The following ZNF529 variants were observed in gnomAD, a reference collection of about 807,000 sequenced individuals.
ZNF529 encodes zinc finger protein 529.
In ZNF529, 11 loss-of-function variants were observed where a neutral mutation model predicts 10.1. The ratio of observed to expected loss-of-function variants is 1.09; its 90% CI spans 0.69 to 1.81. ZNF529 has a LOEUF of 1.81. ZNF529 is among the 40% of genes most tolerant of loss of function. The pLI is 0.00. For synonymous variants in ZNF529, 204 were observed against 215.7 expected (o/e 0.95, Z 0.47); for missense variants, 624 against 666.8 (o/e 0.94, Z 0.71).
chr19:36,591,509 G>A (rs2145274132), intron 1 of ZNF529, among the ~76,000 whole-genome samples: 2 of 150,530 alleles, frequency 1.3e-5, no homozygotes, highest in South Asian at 2.1e-4. Flanking sequence ...CACAAGGTCA[G>A]GAGATCGAGA....
Position 36,547,606 on chromosome 19 carries a change from C to A in ZNF529, c.952G>T (p.Asp318Tyr). The A allele has an allele frequency of 6.2e-7, 1 of 1,613,700 alleles. No individual in the cohort carries two copies. Among genetic ancestry groups the A allele is most frequent in the Non-Finnish European group, 8.5e-7 (1 of 1,179,736 alleles). The change falls in exon 5 of 5, where the codon GAC (aspartate) becomes TAC (tyrosine). Residue 318 changes from aspartate to tyrosine, a missense_variant. Transcript: ENST00000591340. ...KTYKCMECGK[D>Y]FRFHSQLTEH... ...GTAAGCTGTGAATGAAATCTGAAGT[C>A]CTTGCCACATTCCATACATTTGTAA...
upstream of ZNF529, chr19:36,574,702 A>C (rs1373816128): frequency 2.4e-6 from 1 of 415,592 alleles, no homozygotes; most frequent in African/African-American, 2.1e-5. Context: ...GTTTACCCTA[A>C]TGTGTGTGAG....
At chr19:36,553,858 T>G (rs1396760618) in intron 4 of ZNF529, among the ~76,000 whole-genome samples, 14 of 152,204 alleles carry the variant, frequency 9.2e-5, no homozygotes, top group Admixed American at 6.5e-4. Context: ...TACACATAAC[T>G]ACTTAACACA....
intron 2 of ZNF529, among the ~76,000 whole-genome samples, chr19:36,565,903 C>G (rs1389193670): frequency 6.6e-6 from 1 of 152,014 alleles, no homozygotes; most frequent in East Asian, 1.9e-4. Flanking sequence ...TGAAGAGGAG[C>G]AGAACTGTAT....
At chr19:36,577,517 G>A (rs2036355591), upstream of ZNF529, 1 of 154,660 alleles carries the variant, frequency 6.5e-6, no homozygotes, top group East Asian at 1.9e-4. Context: ...TTGAGACAGA[G>A]TCACCCAGGC....
intron 1 of ZNF529, among the ~76,000 whole-genome samples, chr19:36,602,450 T>A (rs997094281): frequency 1.3e-5 from 2 of 152,184 alleles, no homozygotes; most frequent in African/African-American, 2.4e-5. Context: ...CTCCTTTTTT[T>A]TTTTTTCGTG....
intron 2 of ZNF529, among the ~76,000 whole-genome samples, chr19:36,560,705 AT>A (rs1249296705): frequency 1.3e-5 from 2 of 152,216 alleles, no homozygotes; most frequent in Non-Finnish European, 2.9e-5. Flanking sequence ...ATGAAAGGAA[AT>A]AAGAGTTATA....
At chr19:36,602,499 A>G (rs1271533521) in intron 1 of ZNF529, among the ~76,000 whole-genome samples, 9 of 151,904 alleles carry the variant, frequency 5.9e-5, no homozygotes, top group African/African-American at 2.2e-4. Context: ...ATCAGTTCAC[A>G]AGCCATACAA....
intron 2 of ZNF529, among the ~76,000 whole-genome samples, chr19:36,563,800 A>C (rs907141137): frequency 1.3e-5 from 2 of 152,230 alleles, no homozygotes; most frequent in African/African-American, 2.4e-5. Flanking sequence ...GGAACCAAAA[A>C]AGGGTCTGAA....
chr19:36,577,345 C>T, upstream of ZNF529: 1 of 324,160 alleles, frequency 3.1e-6, no homozygotes, highest in East Asian at 1.0e-4. Context: ...TTACATTGTT[C>T]TCCCTTCACC....
rs1568574264 is a variant in ZNF529 at position 36,548,325 on chromosome 19, G to A, written c.236-3C>T. 10 of 1,495,586 alleles carry A rather than the reference G, an allele frequency of 6.7e-6. No individual in the cohort carries two copies. Among genetic ancestry groups the A allele is most frequent in the Admixed American group, 2.6e-5 (1 of 38,122 alleles). The allele number at this position is 1,495,586 out of a possible 1,614,324, so 92.6% of individuals were successfully genotyped here. On this transcript the variant is annotated splice_polypyrimidine_tract_variant and splice_region_variant and intron_variant, in intron 4 of 4. Coordinates refer to ENST00000591340, the MANE Select transcript of ZNF529 (RefSeq NM_020951.5). ...AGTCTCATTCCTGGACTCCAAATCT[G>A]AAAGAAAGGAAAAAATAATTTTCAT... is the stretch of plus-strand genomic sequence containing the variant.
At chr19:36,569,344 A>G (rs1330050743) in intron 2 of ZNF529, among the ~76,000 whole-genome samples, 2 of 152,248 alleles carry the variant, frequency 1.3e-5, no homozygotes, top group Non-Finnish European at 2.9e-5. Context: ...AGTAACTAGA[A>G]AAAGGCTTTG....
At position 36,544,169 on chromosome 19, in the gene ZNF529, T is replaced by C. The variant is rs954860830; in HGVS notation, c.*2697A>G. ...GAAGTTTTATGTTTTTGAGTAAAAA[T>C]AGTAAAAACCAAACAGTAATACCAC... On this transcript the variant is annotated 3_prime_UTR_variant, in exon 5 of 5. Coordinates refer to ENST00000591340, the MANE Select transcript of ZNF529 (RefSeq NM_020951.5). The C allele has an allele frequency of 8.6e-5, 13 of 152,018 alleles. No individual in the cohort carries two copies. The highest frequency in any genetic ancestry group is 3.2e-3 in the Middle Eastern group (1 of 316). The allele number at this position is 152,018 out of a possible 1,614,324, so 9.4% of individuals were successfully genotyped here.
intron 1 of ZNF529, among the ~76,000 whole-genome samples, chr19:36,592,284 C>CAAAAAAA (rs35717465): frequency 2.2e-4 from 11 of 49,838 alleles, no homozygotes; most frequent in Non-Finnish European, 2.8e-4. Context: ...GACTTTGTCT[C>CAAAAAAA]AAAAAAAAAA....
chr19:36,566,970 C>T (rs969640728), intron 2 of ZNF529, among the ~76,000 whole-genome samples: 1 of 151,196 alleles, frequency 6.6e-6, no homozygotes, highest in African/African-American at 2.4e-5. Flanking sequence ...GAGCCGAGAT[C>T]GCGCCACTGC....
chr19:36,590,714 A>C (rs919166581), intron 1 of ZNF529, among the ~76,000 whole-genome samples: 2 of 152,008 alleles, frequency 1.3e-5, no homozygotes, highest in African/African-American at 4.8e-5. Flanking sequence ...CAGATCACCT[A>C]AAGTCAGGAG....
At chr19:36,551,951 T>G (rs1303782452) in intron 4 of ZNF529, 1 of 152,218 alleles carries the variant, frequency 6.6e-6, no homozygotes, top group Non-Finnish European at 1.5e-5. Flanking sequence ...TGGTCACCAT[T>G]GTACCGATAT....
intron 2 of ZNF529, among the ~76,000 whole-genome samples, chr19:36,565,430 C>T (rs370214424): frequency 6.6e-6 from 1 of 152,090 alleles, no homozygotes; most frequent in Non-Finnish European, 1.5e-5. Flanking sequence ...AGGCCGGGCG[C>T]GGTGGCTCAC....
chr19:36,583,187 A>G (rs2036508731), intron 2 of ZNF529, among the ~76,000 whole-genome samples: 1 of 152,020 alleles, frequency 6.6e-6, no homozygotes, highest in Non-Finnish European at 1.5e-5. Flanking sequence ...CCTCCCAAGT[A>G]GCTGGGAGTA....
Sources: gnomAD v4.1 joint callset for allele counts (sites outside exome capture counted in the v4.1 genomes callset) on GRCh38, gnomAD v4.1.1 for gene constraint, MANE v1.5 for transcripts, NCBI Gene and HGNC (gene_info 2026-07-23, HGNC 2026-07-21) for gene names.